RANBP17: variants seen among roughly 807,000 people sequenced by gnomAD.
The protein encoded by RANBP17 is RAN binding protein 17, also known as ran-binding protein 17.
A neutral mutation model predicts 141.2 loss-of-function variants in RANBP17; 158 were observed. The observed-to-expected ratio is 1.12, with a 90% CI of 0.98 to 1.28. The LOEUF (loss-of-function observed/expected upper bound fraction) is 1.28, where lower values mean the gene tolerates loss of function less well. Ranked by LOEUF, RANBP17 falls within the 50% of genes most tolerant of loss-of-function variation. The pLI, the probability that RANBP17 is intolerant of heterozygous loss-of-function variation, is 0.00. For missense variants in RANBP17, 1,438 were observed against 1,290.7 expected (o/e 1.11, Z -1.75); for synonymous variants, 430 against 450.0 (o/e 0.96, Z 0.56).
At chr5:171,294,725 G>T (rs1216588386) in intron 26 of RANBP17, among the ~76,000 whole-genome samples, 2 of 152,198 alleles carry the variant, frequency 1.3e-5, no homozygotes, top group Admixed American at 1.3e-4. Context: ...GCCACATTCA[G>T]TAGCACTGTC....
chr5:171,291,285 T>C (rs1768478526), intron 25 of RANBP17, among the ~76,000 whole-genome samples: 1 of 152,156 alleles, frequency 6.6e-6, no homozygotes, highest in Admixed American at 6.5e-5. Flanking sequence ...ATGCAGTAGA[T>C]ATCGTATGTG....
intron 2 of RANBP17, among the ~76,000 whole-genome samples, chr5:170,880,729 A>G (rs537813396): frequency 3.3e-4 from 50 of 152,344 alleles, no homozygotes; most frequent in Non-Finnish European, 5.9e-4. Context: ...TTGCTATGTA[A>G]TCAATGAAAG....
At chr5:171,246,824 G>T (rs1765241090) in intron 24 of RANBP17, among the ~76,000 whole-genome samples, 1 of 152,170 alleles carries the variant, frequency 6.6e-6, no homozygotes. Context: ...CACATGTGGT[G>T]TGCCTGCTGC....
chr5:171,005,379 C>G (rs1411137360), intron 14 of RANBP17, among the ~76,000 whole-genome samples: 1 of 152,172 alleles, frequency 6.6e-6, no homozygotes, highest in Non-Finnish European at 1.5e-5. Flanking sequence ...CAGCATGGTA[C>G]TGGTATCAAA....
At chr5:171,250,811 G>A (rs1418488785) in intron 24 of RANBP17, among the ~76,000 whole-genome samples, 1 of 152,156 alleles carries the variant, frequency 6.6e-6, no homozygotes, top group Admixed American at 6.5e-5. Flanking sequence ...AAATATGTAT[G>A]TACCCAACAC....
At position 171,078,879 on chromosome 5, in the gene RANBP17, T is replaced by C. The variant is rs535652030; in HGVS notation, c.1711-91251T>C. Among the ~76,000 whole-genome samples the C allele has an allele frequency of 1.3e-3, 200 of 152,372 alleles. 1 individual carries two copies. The highest frequency in any genetic ancestry group is 1.9e-3 in the South Asian group (9 of 4,830). On this transcript the variant is annotated intron_variant, in intron 14 of 27. Coordinates refer to ENST00000523189, the MANE Select transcript of RANBP17 (RefSeq NM_022897.5). ...AGAATATTGTTGTTTTCATGTCTGC[T>C]AACAACATCCATTCTGCAGTTTGTG...
intron 5 of RANBP17, among the ~76,000 whole-genome samples, chr5:170,902,849 G>T (rs1465937476): frequency 2.7e-4 from 41 of 152,210 alleles, no homozygotes. Flanking sequence ...ATCACCAGCG[G>T]AGGCTGCAGA....
intron 14 of RANBP17, chr5:170,970,552 CTTAA>C (rs1208790960): frequency 3.3e-5 from 5 of 152,086 alleles, no homozygotes; most frequent in Non-Finnish European, 7.4e-5. Context: ...GTTTCCCCTG[CTTAA>C]TTATGCCTAG....
At chr5:170,909,820 G>A in intron 6 of RANBP17, 55 bp downstream of exon 6, 1 of 960,282 alleles carries the variant, frequency 1.0e-6, no homozygotes, top group African/African-American at 1.6e-5. Context: ...AATTTTAAGA[G>A]TTTCAAAAGA....
intron 14 of RANBP17, among the ~76,000 whole-genome samples, chr5:170,991,794 C>G (rs3860765): frequency 0.15 from 22,802 of 151,982 alleles, 1,814 homozygotes; most frequent in African/African-American, 0.18. Context: ...AACATAGCTG[C>G]TGTTATTGGT....
At chr5:171,203,736 C>G (rs1416823442) in intron 19 of RANBP17, among the ~76,000 whole-genome samples, 1 of 151,916 alleles carries the variant, frequency 6.6e-6, no homozygotes, top group East Asian at 1.9e-4. Flanking sequence ...TTTTAGAGCC[C>G]TTTGTACTAG....
In RANBP17 at chr5:171,037,685, C is replaced by T. The variant is rs139008695; in HGVS notation, c.1710+69308C>T. ...ACTTATTCAATAGGAAGTCCTTTCC[C>T]GATTGCTTAGTTTTGTTGACCTTGT... On this transcript the variant is annotated intron_variant, in intron 14 of 27. Coordinates refer to ENST00000523189, the MANE Select transcript of RANBP17 (RefSeq NM_022897.5). 4.1e-3 allele frequency among the ~76,000 whole-genome samples: 621 copies of T among 152,206 alleles called. 5 individuals are homozygous for T. Among genetic ancestry groups the T allele is most frequent in the African/African-American group, 0.014 (595 of 41,532 alleles).
intron 14 of RANBP17, among the ~76,000 whole-genome samples, chr5:171,034,847 C>T (rs1781769427): frequency 1.3e-5 from 2 of 152,048 alleles, no homozygotes; most frequent in Admixed American, 1.3e-4. Context: ...GACAAGGTCT[C>T]ACTCTGTTTC....
chr5:171,174,347 CT>C (rs1199261030), intron 16 of RANBP17, among the ~76,000 whole-genome samples: 1 of 152,054 alleles, frequency 6.6e-6, no homozygotes, highest in African/African-American at 2.4e-5. Context: ...TCTTTCCCTT[CT>C]TTGAAATGTT....
intron 14 of RANBP17, among the ~76,000 whole-genome samples, chr5:171,148,188 G>C (rs182199372): frequency 6.6e-6 from 1 of 152,042 alleles, no homozygotes; most frequent in South Asian, 2.1e-4. Flanking sequence ...ATGCTTGAAG[G>C]CAGCATGCTC....
chr5:171,018,448 A>G (rs1394441727), intron 14 of RANBP17, among the ~76,000 whole-genome samples: 1 of 152,068 alleles, frequency 6.6e-6, no homozygotes, highest in Non-Finnish European at 1.5e-5. Flanking sequence ...AGTTGTTTGT[A>G]GTTCTCCTTG....
At chr5:171,265,231 G>A (rs1260634496) in intron 24 of RANBP17, among the ~76,000 whole-genome samples, 1 of 152,206 alleles carries the variant, frequency 6.6e-6, no homozygotes, top group African/African-American at 2.4e-5. Context: ...TGGGTTCAAA[G>A]AGTTATATAA....
rs115428483 is a variant in RANBP17, at chr5:171,197,426, G to A, written c.2039-2244G>A. 7.5e-3 allele frequency among the ~76,000 whole-genome samples: 1,142 copies of A among 152,218 alleles called. 13 individuals carry two copies. Among genetic ancestry groups the A allele is most frequent in the African/African-American group, 0.026 (1,080 of 41,532 alleles). ...AGGAAACTGAGACTCAGAGTAATTA[G>A]TAAAATATCCAAAGGTAAATAATAT... On this transcript the variant is annotated intron_variant, in intron 18 of 27. Coordinates refer to ENST00000523189, the MANE Select transcript of RANBP17 (RefSeq NM_022897.5).
At chr5:171,160,336 C>G (rs1759249431) in intron 14 of RANBP17, among the ~76,000 whole-genome samples, 1 of 152,166 alleles carries the variant, frequency 6.6e-6, no homozygotes, top group Admixed American at 6.5e-5. Flanking sequence ...CACATACCCA[C>G]TTAGAACATA....
Sources: allele counts gnomAD v4.1 joint callset (sites outside exome capture counted in the v4.1 genomes callset), GRCh38; gene constraint gnomAD v4.1.1; transcripts MANE v1.5; gene names NCBI Gene and HGNC (gene_info 2026-07-23, HGNC 2026-07-21).